ATOSA: variants seen among roughly 807,000 people sequenced by gnomAD.
The protein encoded by ATOSA is atos homolog protein A.
At chr15:52,641,742 A>G in the ATOSA span, among the ~76,000 whole-genome samples, 1 of 152,228 alleles carries the variant, frequency 6.6e-6, no homozygotes, top group African/African-American at 2.4e-5. Flanking sequence ...TCACCTTGCT[A>G]TAAGGTTGGT....
the ATOSA span, among the ~76,000 whole-genome samples, chr15:52,676,167 A>G: frequency 6.6e-6 from 1 of 152,244 alleles, no homozygotes; most frequent in African/African-American, 2.4e-5. Context: ...CATGATTACA[A>G]CTAAAAATAT....
chr15:52,652,613 T>C, the ATOSA span, among the ~76,000 whole-genome samples: 1 of 152,130 alleles, frequency 6.6e-6, no homozygotes, highest in Non-Finnish European at 1.5e-5. Flanking sequence ...ATGCATGCAG[T>C]ACCTTTTAAG....
the ATOSA span, among the ~76,000 whole-genome samples, chr15:52,611,994 A>AC: frequency 6.6e-6 from 1 of 151,552 alleles, no homozygotes. Context: ...CATTTATTTT[A>AC]TTTTTTTTGC....
At chr15:52,593,654 C>G in the ATOSA span, 1 of 1,561,252 alleles carries the variant, frequency 6.4e-7, no homozygotes, top group Non-Finnish European at 8.7e-7. Context: ...ATGTGTGGGG[C>G]AGAAAGCACC....
chr15:52,610,317 A>C, the ATOSA span: 7 of 1,613,916 alleles, frequency 4.3e-6, no homozygotes, highest in Non-Finnish European at 5.9e-6. Context: ...CATTGGGAAC[A>C]GGAAACACAT....
chr15:52,595,205 C>G, the ATOSA span, among the ~76,000 whole-genome samples: 1 of 152,124 alleles, frequency 6.6e-6, no homozygotes, highest in Non-Finnish European at 1.5e-5. Flanking sequence ...TAGGCAACTT[C>G]TATTACAATG....
the ATOSA span, chr15:52,611,028 T>C: frequency 1.5e-6 from 2 of 1,325,750 alleles, no homozygotes; most frequent in Non-Finnish European, 2.0e-6. Flanking sequence ...CACTTACATT[T>C]AGAATTGCAG....
At chr15:52,600,008 C>T in the ATOSA span, 1 of 483,952 alleles carries the variant, frequency 2.1e-6, no homozygotes, top group Non-Finnish European at 3.7e-6. Flanking sequence ...AATTTCAAGG[C>T]TTGAAAAAAG....
chr15:52,669,397 A>G, the ATOSA span, among the ~76,000 whole-genome samples: 1 of 152,216 alleles, frequency 6.6e-6, no homozygotes, highest in African/African-American at 2.4e-5. Context: ...AACAAAAAGA[A>G]GTTTGCCAAT....
chr15:52,660,859 G>A, the ATOSA span, among the ~76,000 whole-genome samples: 3 of 152,096 alleles, frequency 2.0e-5, no homozygotes, highest in Admixed American at 6.6e-5. Flanking sequence ...TCTTCTTGTT[G>A]GTAAGGCTGG....
the ATOSA span, among the ~76,000 whole-genome samples, chr15:52,679,752 TCGTCTCCTCCTC>T: frequency 1.4e-5 from 2 of 141,592 alleles, no homozygotes; most frequent in Non-Finnish European, 3.1e-5. Flanking sequence ...ATTATAGTCG[TCGTCTCCTCCTC>T]CTCCTCCTCC....
At chr15:52,688,170 T>C in the ATOSA span, among the ~76,000 whole-genome samples, 4 of 152,228 alleles carry the variant, frequency 2.6e-5, no homozygotes, top group Non-Finnish European at 5.9e-5. Context: ...GTTCTAGCAA[T>C]GGCAAACCAA....
At chr15:52,610,489 C>T in the ATOSA span, 126 of 1,210,662 alleles carry the variant, frequency 1.0e-4, no homozygotes, top group South Asian at 2.1e-4. Context: ...TTTTTGTTTG[C>T]GTTAATTACC....
chr15:52,593,138 G>T, the ATOSA span, among the ~76,000 whole-genome samples: 1 of 149,792 alleles, frequency 6.7e-6, no homozygotes, highest in Non-Finnish European at 1.5e-5. Context: ...AGAGTGAGAT[G>T]CTGTCAAAAA....
chr15:52,639,770 G>C, the ATOSA span, among the ~76,000 whole-genome samples: 1 of 151,968 alleles, frequency 6.6e-6, no homozygotes. Context: ...ATTTTTTTTA[G>C]ACAAAGTCTT....
At chr15:52,674,811 T>C in the ATOSA span, among the ~76,000 whole-genome samples, 5 of 151,568 alleles carry the variant, frequency 3.3e-5, no homozygotes, top group Non-Finnish European at 5.9e-5. Flanking sequence ...GTAATGCTTA[T>C]ATATAAGCTT....
the ATOSA span, among the ~76,000 whole-genome samples, chr15:52,646,434 A>G: frequency 1.3e-5 from 2 of 152,296 alleles, no homozygotes; most frequent in Middle Eastern, 3.4e-3. Context: ...ATCTCAGTCT[A>G]CAACTCAGAG....
the ATOSA span, among the ~76,000 whole-genome samples, chr15:52,675,620 A>C: frequency 6.6e-6 from 1 of 152,246 alleles, no homozygotes; most frequent in Non-Finnish European, 1.5e-5. Context: ...TAGAAAACTT[A>C]GTGTTAGGCC....
chr15:52,613,687 C>T, the ATOSA span: 1 of 1,613,746 alleles, frequency 6.2e-7, no homozygotes. Context: ...GCCAGCTTGT[C>T]ACTACATTCA....
Sources: gnomAD v4.1 joint callset for allele counts (sites outside exome capture counted in the v4.1 genomes callset) on GRCh38, gnomAD v4.1.1 for gene constraint, MANE v1.5 for transcripts, NCBI Gene and HGNC (gene_info 2026-07-23, HGNC 2026-07-21) for gene names.